The following ANKRD44 variants were observed in gnomAD, a reference collection of about 807,000 sequenced individuals.
ANKRD44 encodes serine/threonine-protein phosphatase 6 regulatory ankyrin repeat subunit B.
In ANKRD44, 35 loss-of-function variants were observed where a neutral mutation model predicts 116.0. That is an observed-to-expected ratio of 0.30 (90% CI 0.23 to 0.40). ANKRD44 has a LOEUF of 0.40. Ranked by LOEUF, ANKRD44 falls within the 10% of genes least tolerant of loss-of-function variation. ANKRD44 has a pLI of 1.00. For synonymous variants in ANKRD44, 435 were observed against 461.8 expected (o/e 0.94, Z 0.74); for missense variants, 1,014 against 1,242.6 (o/e 0.82, Z 2.77).
intron 16 of ANKRD44, among the ~76,000 whole-genome samples, chr2:197,050,904 G>T (rs2080905789): frequency 6.6e-6 from 1 of 151,428 alleles, no homozygotes; most frequent in Non-Finnish European, 1.5e-5. Flanking sequence ...TGAGTTCTGT[G>T]AAAGCATAGT....
At chr2:197,038,369 A>G (rs2076845962) in intron 16 of ANKRD44, among the ~76,000 whole-genome samples, 1 of 151,892 alleles carries the variant, frequency 6.6e-6, no homozygotes. Context: ...CCAACCAACC[A>G]ATCAATCAGC....
rs746265978 is a variant in ANKRD44 at position 197,078,760 on chromosome 2, T to C, written c.1593A>G (p.Glu531=). 6.2e-7 allele frequency: 1 copy of C among 1,613,208 alleles called. No homozygotes were observed. The highest frequency in any genetic ancestry group is 1.7e-4 in the Middle Eastern group (1 of 6,058). The stretch of plus-strand genomic sequence containing the variant: ...CAGCATAATGTATGCTATTGTAACC[T>C]TCCTTGTCCCGGATAGATGGATTTG... ...NDANPSIRDK[E]GYNSIHYAAA... The change falls in exon 16 of 28, where the codon GAA becomes GAG. Residue 531 remains glutamate (E), a synonymous_variant. Coordinates refer to ENST00000282272, the MANE Select transcript of ANKRD44 (RefSeq NM_001195144.2).
At chr2:197,118,078 T>C (rs2078755096) in intron 8 of ANKRD44, among the ~76,000 whole-genome samples, 1 of 151,620 alleles carries the variant, frequency 6.6e-6, no homozygotes, top group South Asian at 2.1e-4. Flanking sequence ...CAGGGCGTGG[T>C]GGCGTACACC....
At chr2:197,126,074 G>A in intron 4 of ANKRD44, 37 bp from the exon 5 acceptor site, 1 of 1,607,158 alleles carries the variant, frequency 6.2e-7, no homozygotes, top group Non-Finnish European at 8.5e-7. Flanking sequence ...GTCACTGACA[G>A]ACGTTCAATC....
chr2:197,002,224 A>G (rs1361823715), intron 21 of ANKRD44, among the ~76,000 whole-genome samples: 1 of 152,226 alleles, frequency 6.6e-6, no homozygotes, highest in African/African-American at 2.4e-5. Context: ...TTCCACTTAC[A>G]TTATGCATTC....
At chr2:197,027,732 G>T (rs2076624983) in intron 16 of ANKRD44, among the ~76,000 whole-genome samples, 2 of 147,528 alleles carry the variant, frequency 1.4e-5, no homozygotes, top group Admixed American at 1.4e-4. Context: ...TGTCACCCAG[G>T]CTGGAGTGCA....
At chr2:197,278,485 T>G (rs900343005) in intron 1 of ANKRD44, among the ~76,000 whole-genome samples, 1 of 151,948 alleles carries the variant, frequency 6.6e-6, no homozygotes, top group Non-Finnish European at 1.5e-5. Flanking sequence ...GCCTCCCGAG[T>G]AGCTGGGACT....
intron 21 of ANKRD44, among the ~76,000 whole-genome samples, chr2:196,972,347 G>A (rs1354965393): frequency 6.6e-6 from 1 of 152,152 alleles, no homozygotes; most frequent in Non-Finnish European, 1.5e-5. Context: ...GGGACTACAA[G>A]CGTGTGCCAC....
rs750758959 is a variant in ANKRD44, at chr2:197,009,079, A to G, written c.1925-48T>C. 3.4e-6 allele frequency: 5 copies of G among 1,479,254 alleles called. No individual in the cohort carries two copies. The African/African-American group carries it at 4.2e-5, about 12-fold the overall frequency. The allele number at this position is 1,479,254 out of a possible 1,614,324, so 91.6% of individuals were successfully genotyped here. On this transcript the variant is annotated intron_variant, in intron 18 of 27. Coordinates refer to ENST00000282272, the MANE Select transcript of ANKRD44 (RefSeq NM_001195144.2). ...GTCTTTTAACAGAACAACACTACAC[A>G]TATCTCTTCCAAATGACTTTTTCTT...
At chr2:197,300,544 T>A (rs1202996416) in intron 1 of ANKRD44, among the ~76,000 whole-genome samples, 2 of 152,172 alleles carry the variant, frequency 1.3e-5, no homozygotes, top group African/African-American at 2.4e-5. Flanking sequence ...CAATAAACTT[T>A]AAAGAGGGCC....
chr2:197,151,288 C>T (rs1235516391), intron 2 of ANKRD44, among the ~76,000 whole-genome samples: 1 of 152,150 alleles, frequency 6.6e-6, no homozygotes, highest in Non-Finnish European at 1.5e-5. Flanking sequence ...CCATAAGACT[C>T]ACGTGGAAAC....
chr2:197,160,664 T>C (rs115214655), intron 2 of ANKRD44, among the ~76,000 whole-genome samples: 1,697 of 152,266 alleles, frequency 0.011, 18 homozygotes, highest in Non-Finnish European at 0.02. Context: ...AAAACACCTA[T>C]ATATCAGCGA....
chr2:197,195,607 TA>T (rs1371812284), intron 1 of ANKRD44, among the ~76,000 whole-genome samples: 4 of 152,218 alleles, frequency 2.6e-5, no homozygotes, highest in African/African-American at 7.2e-5. Context: ...TCACTCTTTA[TA>T]TATAGCCCAA....
At chr2:197,085,910 G>A (rs543035647) in intron 13 of ANKRD44, among the ~76,000 whole-genome samples, 47 of 152,212 alleles carry the variant, frequency 3.1e-4, no homozygotes, top group Middle Eastern at 6.8e-3. Flanking sequence ...CCATAACAGG[G>A]AGAGACACAA....
At chr2:197,204,597 T>G (rs565599989) in intron 1 of ANKRD44, among the ~76,000 whole-genome samples, 3 of 152,272 alleles carry the variant, frequency 2.0e-5, no homozygotes, top group African/African-American at 7.2e-5. Context: ...CTCCAGATCT[T>G]TTGAGTTTTC....
intron 1 of ANKRD44, among the ~76,000 whole-genome samples, chr2:197,244,116 T>A (rs1436121645): frequency 1.3e-5 from 2 of 152,136 alleles, no homozygotes; most frequent in Non-Finnish European, 2.9e-5. Flanking sequence ...GGGAGACCCA[T>A]CTCAAAGCAC....
At chr2:197,289,064 T>C (rs765473297) in intron 1 of ANKRD44, among the ~76,000 whole-genome samples, 5 of 152,190 alleles carry the variant, frequency 3.3e-5, no homozygotes, top group Non-Finnish European at 7.3e-5. Context: ...CTCTAAGTGA[T>C]ACCAACGTAT....
intron 8 of ANKRD44, among the ~76,000 whole-genome samples, chr2:197,117,710 C>G (rs2078746328): frequency 6.6e-6 from 1 of 152,098 alleles, no homozygotes. Flanking sequence ...TTCAACTCCT[C>G]CAGTTCATGT....
intron 1 of ANKRD44, among the ~76,000 whole-genome samples, chr2:197,191,347 G>A (rs1461128140): frequency 6.6e-6 from 1 of 152,148 alleles, no homozygotes; most frequent in Non-Finnish European, 1.5e-5. Context: ...TGTCTGCCAA[G>A]CTGATGACAC....
Sources: allele counts gnomAD v4.1 joint callset (sites outside exome capture counted in the v4.1 genomes callset), GRCh38; gene constraint gnomAD v4.1.1; transcripts MANE v1.5; gene names NCBI Gene and HGNC (gene_info 2026-07-23, HGNC 2026-07-21).